PDE1C: variants seen among roughly 807,000 people sequenced by gnomAD.
PDE1C encodes the protein dual specificity calcium/calmodulin-dependent 3',5'-cyclic nucleotide phosphodiesterase 1C.
A neutral mutation model predicts 93.1 loss-of-function variants in PDE1C; 62 were observed. The ratio of observed to expected loss-of-function variants is 0.67; its 90% CI spans 0.54 to 0.82. The LOEUF (loss-of-function observed/expected upper bound fraction) is 0.82. Among genes scored for constraint, PDE1C ranks in the 40% least tolerant of loss-of-function variants. The pLI is 0.00. For missense variants in PDE1C, 742 were observed against 884.6 expected (o/e 0.84, Z 2.04); for synonymous variants, 325 against 310.1 (o/e 1.05, Z -0.50).
At chr7:31,953,941 T>C (rs1443452739) in intron 2 of PDE1C, among the ~76,000 whole-genome samples, 4 of 152,338 alleles carry the variant, frequency 2.6e-5, no homozygotes, top group Admixed American at 1.3e-4. Context: ...ACCGTGATGA[T>C]TGGAAACTTT....
intron 2 of PDE1C, among the ~76,000 whole-genome samples, chr7:31,977,616 T>C (rs1425386087): frequency 1.3e-5 from 2 of 152,142 alleles, no homozygotes; most frequent in Non-Finnish European, 2.9e-5. Context: ...CCAAATTACT[T>C]TGTATCATGC....
At chr7:32,424,819 C>A (rs1785497566) in intron 1 of PDE1C, among the ~76,000 whole-genome samples, 1 of 151,942 alleles carries the variant, frequency 6.6e-6, no homozygotes, top group Non-Finnish European at 1.5e-5. Context: ...CAGACTAAGA[C>A]CCTGTCTCAA....
chr7:31,796,110 C>CAT (rs1006127006), intron 16 of PDE1C, among the ~76,000 whole-genome samples: 62 of 149,258 alleles, frequency 4.2e-4, no homozygotes, highest in Admixed American at 8.1e-4. Flanking sequence ...TATACACACA[C>CAT]ATATATATAT....
intron 2 of PDE1C, among the ~76,000 whole-genome samples, chr7:32,042,605 T>C (rs1671999603): frequency 6.6e-6 from 1 of 152,226 alleles, no homozygotes; most frequent in Non-Finnish European, 1.5e-5. Context: ...AAGTTTGTGC[T>C]TTAGCAATAC....
chr7:31,675,545 A>G, the PDE1C span, among the ~76,000 whole-genome samples: 1 of 152,122 alleles, frequency 6.6e-6, no homozygotes, highest in Non-Finnish European at 1.5e-5. Context: ...ATTTTGTCTC[A>G]TGCAGAGTGG....
At position 31,824,875 on chromosome 7, in the gene PDE1C, C is replaced by T. The variant is rs753385576; in HGVS notation, c.1398G>A (p.Arg466=). ...ETSQTGGTGQ[R]RSSLNSISSS... is the part of the protein sequence containing the mutation. ...CAAGCTTCCCCACTGACCTCGAACG[C>T]CTCTGTCCTGTCCCACCAGTTTGAG... The change falls in exon 13 of 18, where the codon AGG becomes AGA. Residue 466 remains arginine (R), a synonymous_variant. Transcript: ENST00000396191. 4 of 1,613,192 alleles carry T rather than the reference C, an allele frequency of 2.5e-6. No individual in the cohort carries two copies. Among genetic ancestry groups the T allele is most frequent in the South Asian group, 1.1e-5 (1 of 91,046 alleles).
chr7:32,206,299 G>A (rs967276157), intron 2 of PDE1C, among the ~76,000 whole-genome samples: 4 of 152,062 alleles, frequency 2.6e-5, no homozygotes, highest in African/African-American at 9.7e-5. Flanking sequence ...GCAGAAAGGG[G>A]CCAGTTTATG....
At chr7:31,960,697 A>T (rs1808816583) in intron 2 of PDE1C, among the ~76,000 whole-genome samples, 1 of 152,228 alleles carries the variant, frequency 6.6e-6, no homozygotes, top group African/African-American at 2.4e-5. Context: ...TGAAGAGTGT[A>T]TAGGAGTTCT....
intron 2 of PDE1C, among the ~76,000 whole-genome samples, chr7:31,990,496 T>C (rs1162775569): frequency 6.6e-6 from 1 of 152,112 alleles, no homozygotes; most frequent in African/African-American, 2.4e-5. Context: ...ACTAGACTAA[T>C]ACAATAGGAA....
At chr7:32,059,959 C>A (rs962747339) in intron 1 of PDE1C, among the ~76,000 whole-genome samples, 1 of 152,152 alleles carries the variant, frequency 6.6e-6, no homozygotes, top group South Asian at 2.1e-4. Flanking sequence ...GCAATTTTTA[C>A]GACCTTCTTC....
chr7:31,681,921 G>T, the PDE1C span, among the ~76,000 whole-genome samples: 1 of 151,922 alleles, frequency 6.6e-6, no homozygotes, highest in Non-Finnish European at 1.5e-5. Flanking sequence ...ATGTCCTCTT[G>T]TGTCTTTTTG....
intron 4 of PDE1C, among the ~76,000 whole-genome samples, chr7:31,878,776 C>T (rs918808347): frequency 6.6e-6 from 1 of 152,020 alleles, no homozygotes; most frequent in African/African-American, 2.4e-5. Flanking sequence ...CTCTGGTAAA[C>T]AAAAAAATTC....
chr7:31,657,652 A>G, the PDE1C span, among the ~76,000 whole-genome samples: 1 of 152,132 alleles, frequency 6.6e-6, no homozygotes, highest in Non-Finnish European at 1.5e-5. Flanking sequence ...TTACTATTCC[A>G]TTATCAAGTC....
the PDE1C span, among the ~76,000 whole-genome samples, chr7:31,671,387 T>C: frequency 1.3e-5 from 2 of 152,170 alleles, no homozygotes; most frequent in East Asian, 3.9e-4. Flanking sequence ...TGCAGCAAGT[T>C]TGAGTGCCTT....
the PDE1C span, among the ~76,000 whole-genome samples, chr7:31,726,103 C>T: frequency 6.6e-6 from 1 of 152,174 alleles, no homozygotes; most frequent in Non-Finnish European, 1.5e-5. Context: ...GGGTCTCACT[C>T]CATTGCCTTG....
intron 17 of PDE1C, among the ~76,000 whole-genome samples, chr7:31,754,164 A>G (rs184810640): frequency 7.2e-5 from 11 of 152,358 alleles, no homozygotes; most frequent in African/African-American, 2.4e-4. Flanking sequence ...ACAATTAGAG[A>G]ATTTCAAATT....
chr7:31,769,799 TA>T (rs1795366906), intron 17 of PDE1C, among the ~76,000 whole-genome samples: 1 of 152,242 alleles, frequency 6.6e-6, no homozygotes, highest in South Asian at 2.1e-4. Flanking sequence ...ACCACTAATG[TA>T]CTTTCTGTCT....
At chr7:32,276,795 G>A (rs1811319898) in intron 1 of PDE1C, among the ~76,000 whole-genome samples, 2 of 152,148 alleles carry the variant, frequency 1.3e-5, no homozygotes, top group Admixed American at 6.6e-5. Context: ...ATCAGTTACT[G>A]TTACTATGAT....
intron 3 of PDE1C, among the ~76,000 whole-genome samples, chr7:32,130,729 T>C: frequency 6.6e-6 from 1 of 152,040 alleles, no homozygotes; most frequent in East Asian, 1.9e-4. Flanking sequence ...CCACCTCTGG[T>C]GCAGGAGATA....
Sources: allele counts gnomAD v4.1 joint callset (sites outside exome capture counted in the v4.1 genomes callset), GRCh38; gene constraint gnomAD v4.1.1; transcripts MANE v1.5; gene names NCBI Gene and HGNC (gene_info 2026-07-23, HGNC 2026-07-21).